SMAD3: variants seen among roughly 807,000 people sequenced by gnomAD.
SMAD3 encodes MAD homolog 3.
SMAD3 carries 12 observed loss-of-function variants against 51.8 expected under a neutral mutation model. The observed-to-expected ratio is 0.23, with a 90% CI of 0.15 to 0.38. The LOEUF is 0.38. Ranked by LOEUF, SMAD3 falls within the 10% of genes least tolerant of loss-of-function variation. The pLI is 1.00. For synonymous variants in SMAD3, 238 were observed against 227.7 expected, an observed-to-expected ratio of 1.05 and a Z score of -0.41; for missense variants, 294 against 565.6, an observed-to-expected ratio of 0.52 and a Z score of 4.87.
At chr15:67,180,244 G>A (rs1282041114) in intron 5 of SMAD3, among the ~76,000 whole-genome samples, 2 of 152,074 alleles carry the variant, frequency 1.3e-5, no homozygotes, top group Non-Finnish European at 1.5e-5. Context: ...CCGAGGGCCC[G>A]GCCAAGGGCT....
chr15:67,102,257 TGTGTGTGTGTGCG>T (rs886255836), intron 1 of SMAD3, among the ~76,000 whole-genome samples: 1 of 151,252 alleles, frequency 6.6e-6, no homozygotes, highest in East Asian at 1.9e-4. Context: ...AGTGTGTGTG[TGTGTGTGTGTGCG>T]GTGTGTGTGT....
intron 1 of SMAD3, among the ~76,000 whole-genome samples, chr15:67,135,329 GC>G (rs1961632065): frequency 6.6e-6 from 1 of 152,170 alleles, no homozygotes; most frequent in Non-Finnish European, 1.5e-5. Context: ...GGCCCAGCCT[GC>G]CCCCTTCACA....
At chr15:67,087,467 T>C (rs1960418068) in intron 1 of SMAD3, among the ~76,000 whole-genome samples, 1 of 152,230 alleles carries the variant, frequency 6.6e-6, no homozygotes, top group African/African-American at 2.4e-5. Flanking sequence ...GGATTGTTCT[T>C]GGTTTCAGTA....
chr15:67,136,606 T>C (rs1366573233), intron 1 of SMAD3, among the ~76,000 whole-genome samples: 1 of 152,144 alleles, frequency 6.6e-6, no homozygotes, highest in African/African-American at 2.4e-5. Context: ...ACTGGGATTA[T>C]AGGCATGAGC....
intron 1 of SMAD3, among the ~76,000 whole-genome samples, chr15:67,133,341 T>C (rs1408513924): frequency 6.6e-6 from 1 of 152,188 alleles, no homozygotes; most frequent in African/African-American, 2.4e-5. Flanking sequence ...ATAGCCATAA[T>C]CTTTTACACC....
chr15:67,122,640 A>G (rs1463290686), intron 1 of SMAD3, among the ~76,000 whole-genome samples: 1 of 152,202 alleles, frequency 6.6e-6, no homozygotes, highest in African/African-American at 2.4e-5. Flanking sequence ...TTTTCAAGCC[A>G]GGACTTACCT....
rs71400359 is a variant in SMAD3, at chr15:67,154,332, T to G, written c.207-10563T>G. On this transcript the variant is annotated intron_variant, in intron 1 of 8. Coordinates refer to ENST00000327367, the MANE Select transcript of SMAD3 (RefSeq NM_005902.4). ...CAGATGAAAATTGAGTTGTTCTTGG[T>G]GGAAATGTTTTAGTGACTGGTATCA... Among the ~76,000 whole-genome samples, 1,326 of 152,310 alleles carry G rather than the reference T, an allele frequency of 8.7e-3. 13 individuals carry two copies. The highest frequency in any genetic ancestry group is 0.014 in the Non-Finnish European group (929 of 68,022).
chr15:67,102,375 CTTG>C (rs887202895), intron 1 of SMAD3, among the ~76,000 whole-genome samples: 4 of 152,016 alleles, frequency 2.6e-5, no homozygotes, highest in African/African-American at 9.7e-5. Flanking sequence ...CCTTTTGAAA[CTTG>C]TTATGTTCAT....
At chr15:67,188,148 CTTTTTT>C (rs11367565) in intron 8 of SMAD3, among the ~76,000 whole-genome samples, 88 of 116,000 alleles carry the variant, frequency 7.6e-4, no homozygotes, top group African/African-American at 2.4e-3. Context: ...TTTTCTTTTT[CTTTTTT>C]TTTTTTTTTT....
chr15:67,069,894 C>T (rs1029355836), intron 1 of SMAD3, among the ~76,000 whole-genome samples: 4 of 152,090 alleles, frequency 2.6e-5, no homozygotes, highest in South Asian at 2.1e-4. Context: ...TTAGTAGAGA[C>T]GGGGTTTCAC....
At chr15:67,123,723 G>T (rs1263137282) in intron 1 of SMAD3, among the ~76,000 whole-genome samples, 1 of 152,040 alleles carries the variant, frequency 6.6e-6, no homozygotes, top group Admixed American at 6.5e-5. Flanking sequence ...GTCTTTTTTT[G>T]ACATTTCCAA....
intron 1 of SMAD3, among the ~76,000 whole-genome samples, chr15:67,157,731 C>T (rs1203930583): frequency 6.6e-6 from 1 of 152,188 alleles, no homozygotes; most frequent in South Asian, 2.1e-4. Flanking sequence ...TTGGGGTACA[C>T]TCTGGCAGGC....
chr15:67,123,632 G>C (rs117486824), intron 1 of SMAD3, among the ~76,000 whole-genome samples: 1 of 152,224 alleles, frequency 6.6e-6, no homozygotes, highest in African/African-American at 2.4e-5. Flanking sequence ...TAATTTTACA[G>C]TATAGAATCC....
intron 1 of SMAD3, among the ~76,000 whole-genome samples, chr15:67,093,110 A>G (rs1054102397): frequency 1.3e-5 from 2 of 152,132 alleles, no homozygotes; most frequent in African/African-American, 2.4e-5. Flanking sequence ...TACAGTTACT[A>G]TCTTTTCACT....
intron 1 of SMAD3, among the ~76,000 whole-genome samples, chr15:67,067,864 G>C (rs2140191003): frequency 6.6e-6 from 1 of 152,274 alleles, no homozygotes; most frequent in East Asian, 1.9e-4. Flanking sequence ...TCCAGCTCTG[G>C]TTGTTAATTC....
intron 5 of SMAD3, among the ~76,000 whole-genome samples, chr15:67,172,806 T>G (rs1962786786): frequency 6.6e-6 from 1 of 152,128 alleles, no homozygotes; most frequent in Non-Finnish European, 1.5e-5. Flanking sequence ...GCTGGGCCGT[T>G]TAGACCACCT....
chr15:67,109,007 G>T lies in SMAD3; in HGVS notation c.206+42647G>T, dbSNP rs560197133. Among the ~76,000 whole-genome samples the T allele has an allele frequency of 4.6e-5, 7 of 152,326 alleles. No homozygotes were observed. In the East Asian group the frequency reaches 9.6e-4, roughly 21 times the overall value. On this transcript the variant is annotated intron_variant, in intron 1 of 8. Transcript: ENST00000327367. ...CTTAATTTTCCTCAAGTTGGCTTTT[G>T]TCTCACAATTGAGTTCTTGTTGACG...
chr15:67,098,112 C>T (rs963275635), intron 1 of SMAD3, among the ~76,000 whole-genome samples: 4 of 152,112 alleles, frequency 2.6e-5, no homozygotes, highest in African/African-American at 4.8e-5. Context: ...ATGGAGAAAT[C>T]GTTTATAAAC....
intron 1 of SMAD3, among the ~76,000 whole-genome samples, chr15:67,082,942 C>T (rs2140206189): frequency 6.6e-6 from 1 of 152,302 alleles, no homozygotes; most frequent in African/African-American, 2.4e-5. Flanking sequence ...AAAAAAGAAT[C>T]TATCACTGCT....
Sources: allele counts gnomAD v4.1 joint callset (sites outside exome capture counted in the v4.1 genomes callset), GRCh38; gene constraint gnomAD v4.1.1; transcripts MANE v1.5; gene names NCBI Gene and HGNC (gene_info 2026-07-23, HGNC 2026-07-21).